KCNIP4: variants seen among roughly 807,000 people sequenced by gnomAD.
KCNIP4 encodes Kv channel-interacting protein 4.
Under a neutral mutation model 34.0 loss-of-function variants are expected in KCNIP4, and 12 were observed. The ratio of observed to expected loss-of-function variants is 0.35; its 90% confidence interval spans 0.23 to 0.57. The LOEUF (loss-of-function observed/expected upper bound fraction) is 0.57. KCNIP4 is among the 20% of genes least tolerant of loss of function. The pLI is 0.83. For synonymous variants in KCNIP4, 124 were observed against 102.2 expected, an observed-to-expected ratio of 1.21 and a Z score of -1.29; for missense variants, 238 against 311.7, an observed-to-expected ratio of 0.76 and a Z score of 1.78.
chr4:21,327,027 AT>A (rs1715153747), intron 1 of KCNIP4, among the ~76,000 whole-genome samples: 1 of 152,066 alleles, frequency 6.6e-6, no homozygotes, highest in African/African-American at 2.4e-5. Flanking sequence ...CAGTTATATT[AT>A]TTGATAGACT....
rs1740475757 is a variant in KCNIP4, at chr4:21,025,558, T to TG, written c.62-142850_62-142849insC. ...CATTGATACTGTTTTTTTTTTTTTT[T>TG]TTTTTTTTTTTTTGAGACGGAGTCT... is the stretch of plus-strand genomic sequence containing the variant. On this transcript the variant is annotated intron_variant, in intron 1 of 8. Transcript: ENST00000382152. Among the ~76,000 whole-genome samples, 3 of 121,030 alleles carry TG rather than the reference T, an allele frequency of 2.5e-5. 1 individual carries two copies. The highest frequency in any genetic ancestry group is 3.6e-5 in the African/African-American group (1 of 27,822). The allele number at this position is 121,030 out of a possible 152,430, so 79.4% of individuals were successfully genotyped here. A position where few individuals can be genotyped will look rare whatever the true frequency, so the allele number is the denominator to read the frequency against.
intron 1 of KCNIP4, among the ~76,000 whole-genome samples, chr4:21,295,604 G>A (rs116385677): frequency 0.027 from 4,042 of 152,020 alleles, 82 homozygotes; most frequent in Non-Finnish European, 0.038. Flanking sequence ...TGTATGTGGC[G>A]GTTCCTTTGC....
intron 3 of KCNIP4, among the ~76,000 whole-genome samples, chr4:20,774,658 A>G (rs1306358763): frequency 1.3e-5 from 2 of 152,206 alleles, no homozygotes; most frequent in Non-Finnish European, 2.9e-5. Context: ...TGGAAGGTCT[A>G]ATTTATAGGG....
At chr4:21,713,329 A>C (rs1052709761) in intron 1 of KCNIP4, among the ~76,000 whole-genome samples, 9 of 152,196 alleles carry the variant, frequency 5.9e-5, no homozygotes, top group Non-Finnish European at 1.0e-4. Context: ...AGTCAGGAGG[A>C]AGCATCTAAA....
At chr4:21,008,647 C>T (rs994249292) in intron 1 of KCNIP4, among the ~76,000 whole-genome samples, 3 of 151,886 alleles carry the variant, frequency 2.0e-5, no homozygotes, top group Non-Finnish European at 4.4e-5. Flanking sequence ...CCTCAGCCTC[C>T]CAAGTAGCTG....
intron 1 of KCNIP4, among the ~76,000 whole-genome samples, chr4:21,909,722 G>T (rs987432658): frequency 6.6e-6 from 1 of 152,062 alleles, no homozygotes; most frequent in Non-Finnish European, 1.5e-5. Flanking sequence ...AGAAAAAGAG[G>T]TTTAATGAAT....
At chr4:21,274,999 C>T (rs1762356740) in intron 1 of KCNIP4, among the ~76,000 whole-genome samples, 1 of 152,140 alleles carries the variant, frequency 6.6e-6, no homozygotes, top group South Asian at 2.1e-4. Flanking sequence ...TCCCATGGCA[C>T]TCAAACCTAA....
intron 1 of KCNIP4, among the ~76,000 whole-genome samples, chr4:21,701,074 T>C (rs190711190): frequency 6.6e-6 from 1 of 152,158 alleles, no homozygotes; most frequent in South Asian, 2.1e-4. Context: ...TTCAGCCTTA[T>C]ACAAATTAGG....
At chr4:21,647,863 C>CTTTTTGTTTTTTT (rs1747141036) in intron 1 of KCNIP4, among the ~76,000 whole-genome samples, 1 of 60,178 alleles carries the variant, frequency 1.7e-5, no homozygotes, top group African/African-American at 9.8e-5. Context: ...TACAATGATG[C>CTTTTTGTTTTTTT]TTTTTTTTTT....
chr4:21,286,680 C>T (rs1424542139), intron 1 of KCNIP4, among the ~76,000 whole-genome samples: 1 of 152,102 alleles, frequency 6.6e-6, no homozygotes, highest in Non-Finnish European at 1.5e-5. Flanking sequence ...TATGCTTGTG[C>T]TTTTCATCTG....
intron 1 of KCNIP4, among the ~76,000 whole-genome samples, chr4:21,108,767 T>C (rs1432613536): frequency 6.6e-6 from 1 of 151,922 alleles, no homozygotes; most frequent in African/African-American, 2.4e-5. Flanking sequence ...GATGTACAGA[T>C]GGGTTTTTGG....
At chr4:21,064,598 G>A (rs991269206) in intron 1 of KCNIP4, among the ~76,000 whole-genome samples, 1 of 152,086 alleles carries the variant, frequency 6.6e-6, no homozygotes, top group Non-Finnish European at 1.5e-5. Flanking sequence ...CTCTGAAGGT[G>A]TCTGGAAAGA....
At chr4:20,945,306 A>G (rs1247412964) in intron 1 of KCNIP4, among the ~76,000 whole-genome samples, 1 of 152,214 alleles carries the variant, frequency 6.6e-6, no homozygotes, top group African/African-American at 2.4e-5. Context: ...AGAGAGGGAC[A>G]CTGCCAAGTG....
rs142445421 is a variant in KCNIP4, at chr4:21,752,816, C to T, written c.61+195755G>A. Among the ~76,000 whole-genome samples the T allele has an allele frequency of 8.8e-3, 1,334 of 152,228 alleles. 19 individuals are homozygous for T. The highest frequency in any genetic ancestry group is 0.039 in the South Asian group (188 of 4,822). ...CATTCTCTTTTGTGCAAGCAATTCA[C>T]CAAATATGCCAGGCTGGAGACAGTT... On this transcript the variant is annotated intron_variant, in intron 1 of 8. Coordinates refer to ENST00000382152, the MANE Select transcript of KCNIP4 (RefSeq NM_025221.6).
intron 1 of KCNIP4, among the ~76,000 whole-genome samples, chr4:21,576,182 C>G (rs78564808): frequency 0.024 from 3,586 of 152,126 alleles, 151 homozygotes; most frequent in African/African-American, 0.08. Context: ...CCCATAGAAG[C>G]CTAAATTTTT....
intron 1 of KCNIP4, among the ~76,000 whole-genome samples, chr4:21,422,665 G>C (rs1334686223): frequency 6.6e-6 from 1 of 150,890 alleles, no homozygotes; most frequent in Non-Finnish European, 1.5e-5. Context: ...GTGTTTGTGT[G>C]TGTGTGTGTG....
chr4:21,528,959 C>T (rs951948846), intron 1 of KCNIP4, among the ~76,000 whole-genome samples: 19 of 152,062 alleles, frequency 1.2e-4, no homozygotes, highest in Admixed American at 4.6e-4. Flanking sequence ...GCATGGCTTT[C>T]GGCCAATGAA....
At chr4:20,939,521 A>C (rs1731419756) in intron 1 of KCNIP4, among the ~76,000 whole-genome samples, 1 of 151,884 alleles carries the variant, frequency 6.6e-6, no homozygotes, top group Non-Finnish European at 1.5e-5. Flanking sequence ...TTACAGGCAT[A>C]TACCACCATA....
At chr4:21,178,021 C>A (rs1238427465) in intron 1 of KCNIP4, among the ~76,000 whole-genome samples, 28 of 152,000 alleles carry the variant, frequency 1.8e-4, no homozygotes, top group Non-Finnish European at 5.9e-5. Context: ...TATTAGCATG[C>A]CCCAGGCAGG....
Sources: gnomAD v4.1 joint callset for allele counts (sites outside exome capture counted in the v4.1 genomes callset) on GRCh38, gnomAD v4.1.1 for gene constraint, MANE v1.5 for transcripts, NCBI Gene and HGNC (gene_info 2026-07-23, HGNC 2026-07-21) for gene names.